Variants in SLC24A4 observed in about 807,000 individuals in gnomAD.
SLC24A4 encodes the protein sodium/potassium/calcium exchanger 4.
SLC24A4 carries 53 observed loss-of-function variants against 79.0 expected under a neutral mutation model. That is an observed-to-expected ratio of 0.67 (90% CI 0.54 to 0.84). The LOEUF (loss-of-function observed/expected upper bound fraction) is 0.84, where lower values mean the gene tolerates loss of function less well. Among genes scored for constraint, SLC24A4 ranks in the 40% least tolerant of loss-of-function variants. SLC24A4 has a pLI of 0.00. For synonymous variants in SLC24A4, 323 were observed against 323.8 expected, an observed-to-expected ratio of 1.00 and a Z score of 0.03; for missense variants, 731 against 822.0, an observed-to-expected ratio of 0.89 and a Z score of 1.35.
intron 2 of SLC24A4, among the ~76,000 whole-genome samples, chr14:92,367,247 CCGGGGCTTA>C (rs1887899755): frequency 6.6e-6 from 1 of 152,150 alleles, no homozygotes; most frequent in Non-Finnish European, 1.5e-5. Flanking sequence ...AGGCTAGAGA[CCGGGGCTTA>C]TGCATCCAGT....
intron 2 of SLC24A4, among the ~76,000 whole-genome samples, chr14:92,350,142 A>G (rs1037762042): frequency 5.3e-5 from 8 of 152,220 alleles, no homozygotes; most frequent in African/African-American, 1.9e-4. Context: ...AAGACAATGC[A>G]GAGTACTTCT....
chr14:92,334,952 T>C (rs1486611041), intron 2 of SLC24A4, among the ~76,000 whole-genome samples: 1 of 152,038 alleles, frequency 6.6e-6, no homozygotes, highest in Non-Finnish European at 1.5e-5. Context: ...CAGGGTACCC[T>C]ATGTTGGGCG....
rs1170157364 is a variant in SLC24A4, at chr14:92,474,823, A to G, written c.1256-7857A>G. 1.1e-3 allele frequency among the ~76,000 whole-genome samples: 10 copies of G among 8,908 alleles called. 1 individual carries two copies. Among genetic ancestry groups the G allele is most frequent in the Admixed American group, 6.5e-3 (7 of 1,070 alleles). The allele number at this position is 8,908 out of a possible 152,430, so 5.8% of individuals were successfully genotyped here. A position where few individuals can be genotyped will look rare whatever the true frequency, so the allele number is the denominator to read the frequency against. ...TATATACATATATACATATATATAC[A>G]TATATATGTGTGTGTGTGTGTATAT... On this transcript the variant is annotated intron_variant, in intron 12 of 16. Coordinates refer to ENST00000532405, the MANE Select transcript of SLC24A4 (RefSeq NM_153646.4).
At chr14:92,478,013 G>T (rs1252768920) in intron 12 of SLC24A4, among the ~76,000 whole-genome samples, 4 of 150,908 alleles carry the variant, frequency 2.7e-5, no homozygotes, top group Non-Finnish European at 1.5e-5. Context: ...CACCACGTTG[G>T]CCAGGCTGGT....
At chr14:92,430,776 C>T (rs560254511) in intron 2 of SLC24A4, among the ~76,000 whole-genome samples, 1 of 152,332 alleles carries the variant, frequency 6.6e-6, no homozygotes, top group African/African-American at 2.4e-5. Context: ...GTTCCTTGAG[C>T]CCAGCTCCAC....
intron 1 of SLC24A4, among the ~76,000 whole-genome samples, 186 bp from the exon 2 acceptor site, chr14:92,325,682 C>G (rs929871666): frequency 3.9e-5 from 6 of 152,152 alleles, no homozygotes; most frequent in African/African-American, 1.4e-4. Context: ...TGAACTAGAT[C>G]CAGGAAACAG....
rs377020942 is a variant in SLC24A4 at position 92,443,489 on chromosome 14, T to A, written c.657+15T>A. On this transcript the variant is annotated intron_variant, in intron 7 of 16. Coordinates refer to ENST00000532405, the MANE Select transcript of SLC24A4 (RefSeq NM_153646.4). ...TGCTCATCGTGGTGAGTTGCCCCTC[T>A]GCCCCCAAGGTCAGGTTGGCTGGGA... 10 of 1,613,948 alleles carry A rather than the reference T, an allele frequency of 6.2e-6. No homozygotes were observed. The highest frequency in any genetic ancestry group is 8.5e-6 in the Non-Finnish European group (10 of 1,179,924).
intron 2 of SLC24A4, among the ~76,000 whole-genome samples, chr14:92,381,216 C>T (rs374052412): frequency 4.6e-5 from 7 of 152,202 alleles, no homozygotes; most frequent in East Asian, 1.9e-4. Flanking sequence ...ATAAAGAAAA[C>T]GTGGCACATA....
intron 16 of SLC24A4, 129 bp from the exon 17 acceptor site, chr14:92,493,347 C>A: frequency 9.1e-7 from 1 of 1,100,040 alleles, no homozygotes; most frequent in African/African-American, 1.6e-5. Flanking sequence ...CAGACTGCAG[C>A]ACCCCGCTAC....
chr14:92,330,837 A>G (rs1284328907), intron 2 of SLC24A4, among the ~76,000 whole-genome samples: 1 of 152,192 alleles, frequency 6.6e-6, no homozygotes, highest in African/African-American at 2.4e-5. Flanking sequence ...TTACCTCCCA[A>G]AAGCCCTGCC....
At chr14:92,459,058 C>T (rs1893645780) in intron 12 of SLC24A4, among the ~76,000 whole-genome samples, 1 of 152,222 alleles carries the variant, frequency 6.6e-6, no homozygotes, top group African/African-American at 2.4e-5. Context: ...CTACCACTGC[C>T]CCGCACTGGC....
intron 12 of SLC24A4, among the ~76,000 whole-genome samples, chr14:92,468,928 GTGTGTGTC>G (rs56226082): frequency 0.34 from 45,483 of 134,166 alleles, 8,089 homozygotes; most frequent in Non-Finnish European, 0.43. Context: ...GTGTGTGTGT[GTGTGTGTC>G]ACTTAAAACT....
At chr14:92,461,186 C>T (rs1021684848) in intron 12 of SLC24A4, among the ~76,000 whole-genome samples, 1 of 152,140 alleles carries the variant, frequency 6.6e-6, no homozygotes, top group South Asian at 2.1e-4. Context: ...CTCCCTGGCC[C>T]GCCAACAGGA....
chr14:92,385,439 A>G (rs1001241398), intron 2 of SLC24A4, among the ~76,000 whole-genome samples: 2 of 151,956 alleles, frequency 1.3e-5, no homozygotes, highest in Admixed American at 1.3e-4. Context: ...GGAGGTTGCA[A>G]TGAGCCTAGA....
At chr14:92,410,167 C>A (rs2402137) in intron 2 of SLC24A4, among the ~76,000 whole-genome samples, 1 of 151,982 alleles carries the variant, frequency 6.6e-6, no homozygotes, top group African/African-American at 2.4e-5. Context: ...TTCACACATA[C>A]CCCCAAACCT....
rs1344365121 is a variant in SLC24A4 at position 92,468,892 on chromosome 14, C to CCG, written c.1255+12284_1255+12285insCG. On this transcript the variant is annotated intron_variant, in intron 12 of 16. Coordinates refer to ENST00000532405, the MANE Select transcript of SLC24A4 (RefSeq NM_153646.4). ...GAGAAAACATTTGCAAATCATGTATCTGTGTGTGTGTGTGTGTGTGTGTGT... is the reference window on the plus strand; with the variant it reads ...GAGAAAACATTTGCAAATCATGTATCCGTGTGTGTGTGTGTGTGTGTGTGTGT... Among the ~76,000 whole-genome samples, 339 of 81,474 alleles carry CCG rather than the reference C, an allele frequency of 4.2e-3. 4 individuals are homozygous for CCG. The highest frequency in any genetic ancestry group is 9.1e-3 in the African/African-American group (289 of 31,758). The allele number at this position is 81,474 out of a possible 152,430, so 53.5% of individuals were successfully genotyped here.
intron 2 of SLC24A4, among the ~76,000 whole-genome samples, chr14:92,376,861 A>G (rs1888537579): frequency 1.3e-5 from 2 of 152,274 alleles, no homozygotes; most frequent in South Asian, 4.1e-4. Flanking sequence ...TGGGTAGAGT[A>G]TCTAGTGGGT....
chr14:92,475,262 A>G (rs1345975626), intron 12 of SLC24A4, among the ~76,000 whole-genome samples: 1 of 152,128 alleles, frequency 6.6e-6, no homozygotes, highest in Non-Finnish European at 1.5e-5. Flanking sequence ...ACCTTTGGGC[A>G]CTGCGCTTCA....
At chr14:92,384,033 T>C (rs1283021823) in intron 2 of SLC24A4, among the ~76,000 whole-genome samples, 2 of 152,224 alleles carry the variant, frequency 1.3e-5, no homozygotes, top group Admixed American at 6.5e-5. Flanking sequence ...AAATGAGATA[T>C]GAACCGAGTA....
Sources: gnomAD v4.1 joint callset for allele counts (sites outside exome capture counted in the v4.1 genomes callset) on GRCh38, gnomAD v4.1.1 for gene constraint, MANE v1.5 for transcripts, NCBI Gene and HGNC (gene_info 2026-07-23, HGNC 2026-07-21) for gene names.